The following KCNIP4 variants were observed in gnomAD, a reference collection of about 807,000 sequenced individuals.
The protein encoded by KCNIP4 is Kv channel-interacting protein 4.
A neutral mutation model predicts 34.0 loss-of-function variants in KCNIP4; 12 were observed. The ratio of observed to expected loss-of-function variants is 0.35; its 90% CI spans 0.23 to 0.57. The LOEUF is 0.57. Among genes scored for constraint, KCNIP4 ranks in the 20% least tolerant of loss-of-function variants. The probability of loss-of-function intolerance (pLI) is 0.83; values close to 1 mark genes in which losing one functional copy is unlikely to be tolerated. For synonymous variants in KCNIP4, 124 were observed against 102.2 expected, an observed-to-expected ratio of 1.21 and a Z score of -1.29; for missense variants, 238 against 311.7, an observed-to-expected ratio of 0.76 and a Z score of 1.78.
chr4:21,644,522 G>A (rs911352859), intron 1 of KCNIP4, among the ~76,000 whole-genome samples: 3 of 152,164 alleles, frequency 2.0e-5, no homozygotes, highest in Non-Finnish European at 4.4e-5. Context: ...CCTAATGAAA[G>A]TGCAGCAGGT....
intron 1 of KCNIP4, among the ~76,000 whole-genome samples, chr4:20,962,877 T>G (rs1188390371): frequency 6.6e-6 from 1 of 152,194 alleles, no homozygotes; most frequent in East Asian, 1.9e-4. Context: ...TCCATTTCAG[T>G]TTGGCTTACC....
At chr4:21,257,111 T>C (rs1761110485) in intron 1 of KCNIP4, among the ~76,000 whole-genome samples, 1 of 152,180 alleles carries the variant, frequency 6.6e-6, no homozygotes, top group African/African-American at 2.4e-5. Flanking sequence ...GATGCTGAGA[T>C]AAACTCTTAA....
intron 1 of KCNIP4, among the ~76,000 whole-genome samples, chr4:21,905,615 C>A (rs905737300): frequency 2.0e-5 from 3 of 151,994 alleles, no homozygotes; most frequent in Non-Finnish European, 4.4e-5. Flanking sequence ...GGACAAAAAA[C>A]CAAACACCGG....
intron 1 of KCNIP4, among the ~76,000 whole-genome samples, chr4:21,073,710 G>A (rs1361364845): frequency 1.3e-5 from 2 of 152,106 alleles, no homozygotes. Flanking sequence ...TCCCTGTCTT[G>A]CGCCAGTTTT....
intron 1 of KCNIP4, among the ~76,000 whole-genome samples, chr4:20,919,081 A>G (rs1729127908): frequency 6.6e-6 from 1 of 152,224 alleles, no homozygotes; most frequent in South Asian, 2.1e-4. Flanking sequence ...TAGGATTATT[A>G]GCAGGGCTGA....
intron 2 of KCNIP4, among the ~76,000 whole-genome samples, chr4:20,852,811 T>C (rs1222233997): frequency 6.6e-6 from 1 of 152,144 alleles, no homozygotes; most frequent in Non-Finnish European, 1.5e-5. Context: ...CAAAAATCAG[T>C]AGCTCTTCTA....
chr4:21,195,244 T>C (rs1409331069), intron 1 of KCNIP4, among the ~76,000 whole-genome samples: 1 of 152,176 alleles, frequency 6.6e-6, no homozygotes, highest in Non-Finnish European at 1.5e-5. Flanking sequence ...TGAGCACTTA[T>C]GAAATGCCCC....
chr4:21,752,357 A>G (rs761446524), intron 1 of KCNIP4, among the ~76,000 whole-genome samples: 3 of 152,118 alleles, frequency 2.0e-5, no homozygotes, highest in African/African-American at 7.2e-5. Flanking sequence ...ACCTTCTCAC[A>G]TGTCAGTAGG....
intron 3 of KCNIP4, among the ~76,000 whole-genome samples, chr4:20,783,615 G>A (rs113045140): frequency 1.9e-3 from 292 of 152,180 alleles, no homozygotes; most frequent in Non-Finnish European, 3.0e-3. Context: ...CCACTGGGTC[G>A]CTCCCACAAC....
chr4:20,826,054 T>C (rs957262509), intron 3 of KCNIP4, among the ~76,000 whole-genome samples: 1 of 151,806 alleles, frequency 6.6e-6, no homozygotes, highest in African/African-American at 2.4e-5. Flanking sequence ...ATGTTAGGGG[T>C]AGAAGCCATA....
At chr4:21,087,146 A>G (rs76272298) in intron 1 of KCNIP4, among the ~76,000 whole-genome samples, 17,032 of 110,946 alleles carry the variant, frequency 0.15, 1,251 homozygotes, top group East Asian at 0.28. Context: ...CTGCTGGGTA[A>G]TGTGTGTGTG....
chr4:20,802,802 G>A (rs780884772), intron 3 of KCNIP4, among the ~76,000 whole-genome samples: 20 of 152,260 alleles, frequency 1.3e-4, no homozygotes, highest in African/African-American at 2.4e-4. Flanking sequence ...GAAGCCGAGC[G>A]TGGTGGCTCA....
At chr4:20,916,978 C>T (rs1728875058) in intron 1 of KCNIP4, among the ~76,000 whole-genome samples, 1 of 45,016 alleles carries the variant, frequency 2.2e-5, no homozygotes, top group African/African-American at 7.1e-5. Context: ...CATTGACCAT[C>T]TTATGTTTAT....
At chr4:21,053,638 T>A (rs558132418) in intron 1 of KCNIP4, among the ~76,000 whole-genome samples, 2 of 152,164 alleles carry the variant, frequency 1.3e-5, no homozygotes, top group Admixed American at 1.3e-4. Flanking sequence ...TAAAAACAAC[T>A]CCTGGAACTA....
intron 1 of KCNIP4, among the ~76,000 whole-genome samples, chr4:21,365,774 G>T (rs2109421219): frequency 6.6e-6 from 1 of 152,222 alleles, no homozygotes; most frequent in African/African-American, 2.4e-5. Context: ...ATAATTTGAA[G>T]CCTGAGATCA....
intron 1 of KCNIP4, among the ~76,000 whole-genome samples, chr4:21,757,302 AAG>A (rs1577949088): frequency 1.3e-5 from 2 of 151,014 alleles, no homozygotes; most frequent in East Asian, 1.9e-4. Flanking sequence ...AAGAAAAGAA[AAG>A]AGAAAAGAAA....
chr4:21,292,561 A>C (rs1763592030), intron 1 of KCNIP4, among the ~76,000 whole-genome samples: 2 of 152,132 alleles, frequency 1.3e-5, no homozygotes, highest in Admixed American at 1.3e-4. Flanking sequence ...TCAAATGGGC[A>C]CTCAGCACTG....
At chr4:21,536,686 A>C (rs1256206766) in intron 1 of KCNIP4, among the ~76,000 whole-genome samples, 1 of 152,004 alleles carries the variant, frequency 6.6e-6, no homozygotes, top group Non-Finnish European at 1.5e-5. Context: ...AAGGCTGAGA[A>C]ATGAGAATCG....
chr4:20,929,000 AATAGAG>A (rs1008108179), intron 1 of KCNIP4, among the ~76,000 whole-genome samples: 3 of 151,958 alleles, frequency 2.0e-5, no homozygotes, highest in African/African-American at 7.2e-5. Flanking sequence ...TCTCCCAACA[AATAGAG>A]ATAGAAGAAA....
Sources: allele counts gnomAD v4.1 joint callset (sites outside exome capture counted in the v4.1 genomes callset), GRCh38; gene constraint gnomAD v4.1.1; transcripts MANE v1.5; gene names NCBI Gene and HGNC (gene_info 2026-07-23, HGNC 2026-07-21).